NEGR1: variants seen among roughly 807,000 people sequenced by gnomAD.
NEGR1 encodes neuronal growth regulator 1.
A neutral mutation model predicts 40.9 loss-of-function variants in NEGR1; 10 were observed. The ratio of observed to expected loss-of-function variants is 0.24; its 90% confidence interval spans 0.15 to 0.42. NEGR1 has a LOEUF of 0.42. Among genes scored for constraint, NEGR1 ranks in the 10% least tolerant of loss-of-function variants. The pLI is 1.00. For missense variants in NEGR1, 352 were observed against 438.9 expected, an observed-to-expected ratio of 0.80 and a Z score of 1.77; for synonymous variants, 185 against 166.8, an observed-to-expected ratio of 1.11 and a Z score of -0.84.
chr1:71,730,280 A>C (rs1054084046), intron 3 of NEGR1, among the ~76,000 whole-genome samples: 8 of 152,060 alleles, frequency 5.3e-5, no homozygotes, highest in Non-Finnish European at 8.8e-5. Flanking sequence ...TTACATTAGT[A>C]GTGAAAACAA....
chr1:71,794,733 G>A (rs1288283090), intron 2 of NEGR1, among the ~76,000 whole-genome samples: 1 of 152,132 alleles, frequency 6.6e-6, no homozygotes, highest in African/African-American at 2.4e-5. Flanking sequence ...ATTGGTAAAT[G>A]TGACTATCTT....
chr1:72,205,656 C>T (rs1653367344), intron 1 of NEGR1, among the ~76,000 whole-genome samples: 2 of 145,832 alleles, frequency 1.4e-5, no homozygotes, highest in African/African-American at 5.1e-5. Flanking sequence ...ATGGCTCATG[C>T]CTATAATCCT....
intron 1 of NEGR1, among the ~76,000 whole-genome samples, chr1:72,114,791 C>G (rs1649520152): frequency 6.6e-6 from 1 of 151,758 alleles, no homozygotes; most frequent in Non-Finnish European, 1.5e-5. Flanking sequence ...GATTCCATTT[C>G]CTTCCATCCT....
At chr1:72,157,873 C>G (rs919614529) in intron 1 of NEGR1, among the ~76,000 whole-genome samples, 1 of 152,090 alleles carries the variant, frequency 6.6e-6, no homozygotes, top group Admixed American at 6.6e-5. Flanking sequence ...CTGCTGCATA[C>G]CTACTTAAGA....
At chr1:72,122,576 T>A (rs1038692076) in intron 1 of NEGR1, among the ~76,000 whole-genome samples, 4 of 151,910 alleles carry the variant, frequency 2.6e-5, no homozygotes, top group Non-Finnish European at 5.9e-5. Context: ...TGTATATTAA[T>A]CATATATTAT....
At chr1:71,769,471 A>C (rs1473731660) in intron 3 of NEGR1, among the ~76,000 whole-genome samples, 1 of 152,098 alleles carries the variant, frequency 6.6e-6, no homozygotes, top group African/African-American at 2.4e-5. Flanking sequence ...CATAATCCCC[A>C]TGTGTTGTTG....
chr1:71,687,174 C>T (rs1045813785), intron 4 of NEGR1, among the ~76,000 whole-genome samples: 1 of 152,176 alleles, frequency 6.6e-6, no homozygotes, highest in African/African-American at 2.4e-5. Context: ...AAATTGCTAA[C>T]TTAAACCTTT....
chr1:71,700,881 G>A (rs935985262), intron 3 of NEGR1, among the ~76,000 whole-genome samples: 1 of 151,950 alleles, frequency 6.6e-6, no homozygotes, highest in Non-Finnish European at 1.5e-5. Flanking sequence ...AAAAGTAGAA[G>A]AGGTAGATAG....
intron 3 of NEGR1, among the ~76,000 whole-genome samples, chr1:71,715,906 G>A (rs1654256320): frequency 6.6e-6 from 1 of 151,920 alleles, no homozygotes; most frequent in Non-Finnish European, 1.5e-5. Context: ...CAGTTCCAAA[G>A]TTGCTTTCAC....
At chr1:71,692,591 T>C (rs2101623549) in intron 4 of NEGR1, among the ~76,000 whole-genome samples, 1 of 151,818 alleles carries the variant, frequency 6.6e-6, no homozygotes, top group African/African-American at 2.4e-5. Flanking sequence ...GAGAAAACTT[T>C]AGGAATAGCT....
At chr1:72,062,042 C>T (rs1445626515) in intron 1 of NEGR1, among the ~76,000 whole-genome samples, 2 of 151,846 alleles carry the variant, frequency 1.3e-5, no homozygotes, top group Non-Finnish European at 2.9e-5. Flanking sequence ...ATAGCCAGCA[C>T]TTTATTGCAT....
chr1:72,103,955 G>T (rs1383588540), intron 1 of NEGR1, among the ~76,000 whole-genome samples: 1 of 152,024 alleles, frequency 6.6e-6, no homozygotes, highest in Non-Finnish European at 1.5e-5. Context: ...TAATATATTT[G>T]ATTTTAATTT....
intron 6 of NEGR1, among the ~76,000 whole-genome samples, chr1:71,447,860 C>T (rs1429149629): frequency 6.6e-6 from 1 of 152,150 alleles, no homozygotes; most frequent in Non-Finnish European, 1.5e-5. Context: ...AGTCCTCTTT[C>T]TTTTCAAAGT....
At position 71,898,981 on chromosome 1, in the gene NEGR1, CATATATATATATATATAT is replaced by C. The variant is rs55674579; in HGVS notation, c.409+36080_409+36097del. On this transcript the variant is annotated intron_variant, in intron 2 of 6. Transcript: ENST00000357731. ...ATATATAGCATATATATATATATAG[CATATATATATATATATAT>C]ATATATATATATATATGGCAACTAA... Among the ~76,000 whole-genome samples, 29 of 51,300 alleles carry C rather than the reference CATATATATATATATATAT, an allele frequency of 5.7e-4. 2 individuals carry two copies. Among genetic ancestry groups the C allele is most frequent in the African/African-American group, 2.5e-3 (25 of 9,940 alleles). 33.7% of individuals were successfully genotyped at this position (51,300 alleles called of 152,430 possible). A position where few individuals can be genotyped will look rare whatever the true frequency, so the allele number is the denominator to read the frequency against.
intron 1 of NEGR1, among the ~76,000 whole-genome samples, chr1:72,110,705 G>A (rs747035807): frequency 5.9e-5 from 9 of 151,288 alleles, no homozygotes; most frequent in Non-Finnish European, 1.0e-4. Context: ...ACCTCTGAAC[G>A]AACATACTTA....
rs897987079 is a variant in NEGR1, at chr1:71,402,182, A to G, written c.*5264T>C. The G allele has an allele frequency of 5.8e-4, 88 of 152,204 alleles. No homozygotes were observed. The highest frequency in any genetic ancestry group is 2.1e-3 in the African/African-American group (88 of 41,458). 9.4% of individuals were successfully genotyped at this position (152,204 alleles called of 1,614,324 possible). On this transcript the variant is annotated 3_prime_UTR_variant, in exon 7 of 7. Coordinates refer to ENST00000357731, the MANE Select transcript of NEGR1 (RefSeq NM_173808.3). Reference sequence around the variant, plus strand: ...ACTTAGTTGAAGTATAATCTTCAGCAAGTGACTCAAAATTTCTGAATCTCG... The same window carrying G: ...ACTTAGTTGAAGTATAATCTTCAGCGAGTGACTCAAAATTTCTGAATCTCG...
intron 4 of NEGR1, among the ~76,000 whole-genome samples, chr1:71,648,295 A>G (rs1478669382): frequency 6.6e-6 from 1 of 151,862 alleles, no homozygotes; most frequent in Non-Finnish European, 1.5e-5. Context: ...AGGGAAACAC[A>G]ATGTTTTTTT....
chr1:72,264,670 T>A (rs140894750), intron 1 of NEGR1, among the ~76,000 whole-genome samples: 1 of 150,904 alleles, frequency 6.6e-6, no homozygotes, highest in East Asian at 1.9e-4. Flanking sequence ...AGTATTTTAG[T>A]TCTTAAAAAC....
At chr1:71,975,720 T>C (rs994501571) in intron 1 of NEGR1, among the ~76,000 whole-genome samples, 12 of 152,352 alleles carry the variant, frequency 7.9e-5, no homozygotes, top group African/African-American at 2.9e-4. Context: ...GCTGCAGATG[T>C]GCTAGCTATT....
Sources: allele counts gnomAD v4.1 joint callset (sites outside exome capture counted in the v4.1 genomes callset), GRCh38; gene constraint gnomAD v4.1.1; transcripts MANE v1.5; gene names NCBI Gene and HGNC (gene_info 2026-07-23, HGNC 2026-07-21).